CCNI: variants seen among roughly 807,000 people sequenced by gnomAD.
CCNI encodes the protein cyclin I, also known as cyclin-I.
CCNI carries 14 observed loss-of-function variants against 34.1 expected under a neutral mutation model. That is an observed-to-expected ratio of 0.41 (90% CI 0.27 to 0.64). CCNI has a LOEUF of 0.64. CCNI is among the 30% of genes least tolerant of loss of function. CCNI has a pLI of 0.31. For missense variants in CCNI, 385 were observed against 440.5 expected, an observed-to-expected ratio of 0.87 and a Z score of 1.13; for synonymous variants, 154 against 158.4, an observed-to-expected ratio of 0.97 and a Z score of 0.21.
At chr4:77,061,022 G>T (rs1728565290) in intron 2 of CCNI, among the ~76,000 whole-genome samples, 1 of 152,148 alleles carries the variant, frequency 6.6e-6, no homozygotes. Context: ...GCCTCCCAAA[G>T]TGTTGGGATT....
chr4:77,062,029 T>C (rs963597486), intron 2 of CCNI, among the ~76,000 whole-genome samples: 2 of 152,144 alleles, frequency 1.3e-5, no homozygotes, highest in Admixed American at 6.5e-5. Flanking sequence ...CTTCATGCTG[T>C]AATAGTAACT....
intron 2 of CCNI, among the ~76,000 whole-genome samples, chr4:77,060,582 T>G: frequency 6.7e-6 from 1 of 149,820 alleles, no homozygotes; most frequent in South Asian, 2.1e-4. Flanking sequence ...CTCAGCATCC[T>G]GAAGTAGCTA....
At chr4:77,055,756 C>T (rs112882249) in intron 5 of CCNI, among the ~76,000 whole-genome samples, 11 of 152,004 alleles carry the variant, frequency 7.2e-5, no homozygotes, top group African/African-American at 2.4e-4. Context: ...CGTGAGCCAC[C>T]GCGCCCAGCC....
rs2109865455 is a variant in CCNI, at chr4:77,075,670, A to G, written c.-242T>C. The G allele has an allele frequency of 3.2e-6, 2 of 615,538 alleles. No individual in the cohort carries two copies. The highest frequency in any genetic ancestry group is 1.6e-4 in the East Asian group (1 of 6,416). The allele number at this position is 615,538 out of a possible 1,614,324, so 38.1% of individuals were successfully genotyped here. ...GCGCGGGCGCGGGCGCTGGCGCTCG[A>G]GCGGGACGCACGGCTGCGGCCGCTG... On this transcript the variant is annotated 5_prime_UTR_variant, in exon 1 of 7. Transcript: ENST00000237654.
At chr4:77,071,679 T>G (rs1279021492) in intron 1 of CCNI, among the ~76,000 whole-genome samples, 1 of 152,074 alleles carries the variant, frequency 6.6e-6, no homozygotes, top group Non-Finnish European at 1.5e-5. Context: ...CTACCTACCT[T>G]ACAGAAATAA....
intron 1 of CCNI, among the ~76,000 whole-genome samples, chr4:77,068,317 TAA>T (rs1729201087): frequency 1.3e-5 from 2 of 152,132 alleles, no homozygotes; most frequent in South Asian, 4.1e-4. Context: ...ACAGCAATAA[TAA>T]TGAAAAGACT....
In CCNI at chr4:77,050,368, T is replaced by C. The variant is rs371074951; in HGVS notation, c.691-1706A>G. On this transcript the variant is annotated intron_variant, in intron 6 of 6. Coordinates refer to ENST00000237654, the MANE Select transcript of CCNI (RefSeq NM_006835.3). ...ACTGTTTGCAATACCACAGAGAAAATAGGGGAAAATAACGCACTCTACAAG... is the reference window on the plus strand; with the variant it reads ...ACTGTTTGCAATACCACAGAGAAAACAGGGGAAAATAACGCACTCTACAAG... Among the ~76,000 whole-genome samples, 62 of 151,714 alleles carry C rather than the reference T, an allele frequency of 4.1e-4. No homozygotes were observed. The East Asian group carries it at 8.3e-3, about 20-fold the overall frequency.
At chr4:77,072,238 T>C (rs1729519066) in intron 1 of CCNI, among the ~76,000 whole-genome samples, 1 of 151,176 alleles carries the variant, frequency 6.6e-6, no homozygotes, top group African/African-American at 2.4e-5. Flanking sequence ...TTATCAATAG[T>C]AAAAAAAAGA....
At chr4:77,056,374 T>C (rs776045357) in intron 3 of CCNI, 51 bp from the exon 4 acceptor site, 2 of 1,390,904 alleles carry the variant, frequency 1.4e-6, no homozygotes, top group Admixed American at 1.7e-5. Flanking sequence ...TCAAAAACAA[T>C]TTAACTTTTT....
At chr4:77,074,113 C>G (rs1729710498) in intron 1 of CCNI, among the ~76,000 whole-genome samples, 1 of 152,128 alleles carries the variant, frequency 6.6e-6, no homozygotes, top group African/African-American at 2.4e-5. Context: ...ATTACACAAT[C>G]AAAACAAAAC....
chr4:77,061,312 C>T (rs1378231258), intron 2 of CCNI, among the ~76,000 whole-genome samples: 3 of 152,146 alleles, frequency 2.0e-5, no homozygotes, highest in Non-Finnish European at 2.9e-5. Context: ...CATTTCATTC[C>T]TATTCCTCTA....
intron 6 of CCNI, among the ~76,000 whole-genome samples, chr4:77,053,117 G>A (rs1457402145): frequency 2.0e-5 from 3 of 151,004 alleles, no homozygotes; most frequent in Non-Finnish European, 3.0e-5. Flanking sequence ...ATGTTGAGTG[G>A]AGATCTGCCC....
intron 2 of CCNI, chr4:77,064,609 AC>A: frequency 6.6e-6 from 1 of 151,740 alleles, no homozygotes; most frequent in African/African-American, 2.4e-5. Context: ...ACACACACAC[AC>A]ACACACACAC....
In CCNI at chr4:77,061,555, A is replaced by G. The variant is rs533528321; in HGVS notation, c.115-2920T>C. Among the ~76,000 whole-genome samples, 21 of 152,304 alleles carry G rather than the reference A, an allele frequency of 1.4e-4. No homozygotes were observed. The South Asian group carries it at 4.1e-3, about 30-fold the overall frequency. On this transcript the variant is annotated intron_variant, in intron 2 of 6. Transcript: ENST00000237654. ...CCACATGCTGCTAGTCTTCTCCTTA[A>G]AATATACAACCTCCCCAGCTTTAAA...
intron 1 of CCNI, among the ~76,000 whole-genome samples, chr4:77,070,938 G>T (rs1340637765): frequency 6.6e-6 from 1 of 152,150 alleles, no homozygotes; most frequent in African/African-American, 2.4e-5. Context: ...GACTTCATAG[G>T]TTCTAAGGTT....
Position 77,055,397 on chromosome 4 carries a change from C to T in CCNI, c.460-17G>A, listed in dbSNP as rs767541379. The T allele has an allele frequency of 2.0e-6, 3 of 1,504,130 alleles. No homozygotes were observed. Among genetic ancestry groups the T allele is most frequent in the South Asian group, 2.3e-5 (2 of 88,006 alleles). 93.2% of individuals were successfully genotyped at this position (1,504,130 alleles called of 1,614,324 possible). On this transcript the variant is annotated splice_polypyrimidine_tract_variant and intron_variant, in intron 5 of 6. Coordinates refer to ENST00000237654, the MANE Select transcript of CCNI (RefSeq NM_006835.3). The stretch of plus-strand genomic sequence containing the variant: ...GGCATGGAACTGAAAATCACAAGAA[C>T]ATCATTTTAACTTTATTTAAATATC...
intron 6 of CCNI, among the ~76,000 whole-genome samples, chr4:77,049,965 G>A (rs1361625308): frequency 6.6e-6 from 1 of 151,896 alleles, no homozygotes; most frequent in African/African-American, 2.4e-5. Flanking sequence ...TCTCTCCAGC[G>A]GCACCCCAAT....
At chr4:77,049,956 C>T (rs905899787) in intron 6 of CCNI, among the ~76,000 whole-genome samples, 2 of 152,108 alleles carry the variant, frequency 1.3e-5, no homozygotes, top group Admixed American at 6.6e-5. Context: ...CTTCCCTGCT[C>T]TCTCCAGCGG....
intron 2 of CCNI, among the ~76,000 whole-genome samples, chr4:77,064,381 G>A (rs1036746472): frequency 4.6e-5 from 7 of 152,148 alleles, no homozygotes; most frequent in African/African-American, 1.7e-4. Flanking sequence ...GAGATAGCAG[G>A]AGGAGGAAAG....
Sources: gnomAD v4.1 joint callset for allele counts (sites outside exome capture counted in the v4.1 genomes callset) on GRCh38, gnomAD v4.1.1 for gene constraint, MANE v1.5 for transcripts, NCBI Gene and HGNC (gene_info 2026-07-23, HGNC 2026-07-21) for gene names.